Variants in CALD1 observed in about 807,000 individuals in gnomAD.
The protein encoded by CALD1 is caldesmon 1, also known as caldesmon.
Under a neutral mutation model 99.9 loss-of-function variants are expected in CALD1, and 33 were observed. The ratio of observed to expected loss-of-function variants is 0.33; its 90% CI spans 0.25 to 0.44. The LOEUF (loss-of-function observed/expected upper bound fraction) is 0.44, where lower values mean the gene tolerates loss of function less well. Ranked by LOEUF, CALD1 falls within the 20% of genes least tolerant of loss-of-function variation. The pLI is 1.00. For synonymous variants in CALD1, 310 were observed against 325.0 expected (o/e 0.95, Z 0.50); for missense variants, 861 against 962.1 (o/e 0.89, Z 1.39).
intron 1 of CALD1, among the ~76,000 whole-genome samples, chr7:134,839,871 G>A (rs909532384): frequency 2.0e-5 from 3 of 151,922 alleles, no homozygotes; most frequent in Non-Finnish European, 4.4e-5. Flanking sequence ...TTTTTTAGTT[G>A]TTGGCAATTT....
At chr7:134,966,682 A>G (rs553490913) in intron 14 of CALD1, among the ~76,000 whole-genome samples, 2 of 152,096 alleles carry the variant, frequency 1.3e-5, no homozygotes, top group East Asian at 1.9e-4. Context: ...ACCATTATAC[A>G]TGGTACTTTC....
intron 3 of CALD1, among the ~76,000 whole-genome samples, chr7:134,874,300 C>T (rs1801244609): frequency 6.6e-6 from 1 of 151,906 alleles, no homozygotes; most frequent in Non-Finnish European, 1.5e-5. Flanking sequence ...TCAAGCGATT[C>T]TCCTGCCTCA....
intron 2 of CALD1, among the ~76,000 whole-genome samples, chr7:134,857,155 A>ATTT (rs1800336835): frequency 1.8e-4 from 17 of 96,136 alleles, no homozygotes; most frequent in Admixed American, 2.2e-4. Context: ...GTTTTGCGCT[A>ATTT]TTCTTTTTTT....
the CALD1 span, among the ~76,000 whole-genome samples, chr7:134,737,620 C>T: frequency 2.6e-5 from 4 of 152,220 alleles, no homozygotes; most frequent in African/African-American, 4.8e-5. Flanking sequence ...TCTAGAGCCT[C>T]GGTTTCTTGG....
At chr7:134,889,595 A>C (rs538639754) in intron 3 of CALD1, among the ~76,000 whole-genome samples, 2 of 152,190 alleles carry the variant, frequency 1.3e-5, no homozygotes, top group African/African-American at 2.4e-5. Context: ...AAGTAATTGA[A>C]GGGAAAAAAT....
rs376293102 is a variant in CALD1 at position 134,807,918 on chromosome 7, G to A, written c.-130+28169G>A. 4.6e-5 allele frequency among the ~76,000 whole-genome samples: 7 copies of A among 151,954 alleles called. No individual in the cohort carries two copies. In the East Asian group the frequency reaches 7.7e-4, roughly 17 times the overall value. ...GCTGGGATTACAAGCGTAAGCCACC[G>A]TGCCCGGCCGATTATCTCCAATTTT... On this transcript the variant is annotated intron_variant, in intron 1 of 14. Transcript: ENST00000361675.
chr7:134,926,186 C>T (rs1228801034), intron 3 of CALD1, among the ~76,000 whole-genome samples: 1 of 152,206 alleles, frequency 6.6e-6, no homozygotes, highest in Non-Finnish European at 1.5e-5. Context: ...AACAGGAAGA[C>T]ACTGCAGTGT....
chr7:134,932,716 C>T (rs1046149799), intron 4 of CALD1, among the ~76,000 whole-genome samples: 1 of 152,158 alleles, frequency 6.6e-6, no homozygotes, highest in Non-Finnish European at 1.5e-5. Flanking sequence ...AACACTCAGG[C>T]TATCAATTTT....
chr7:134,884,394 TGAA>T (rs1450571190), intron 3 of CALD1, among the ~76,000 whole-genome samples: 35 of 152,298 alleles, frequency 2.3e-4, no homozygotes, highest in Middle Eastern at 3.4e-3. Context: ...TTCACACTCA[TGAA>T]GAAGTCGCTA....
At chr7:134,816,526 A>G (rs1798571147) in intron 1 of CALD1, among the ~76,000 whole-genome samples, 1 of 152,226 alleles carries the variant, frequency 6.6e-6, no homozygotes, top group South Asian at 2.1e-4. Context: ...CATGCTCAGA[A>G]ACCAAACCTA....
chr7:134,823,720 G>A, intron 1 of CALD1, among the ~76,000 whole-genome samples: 1 of 152,062 alleles, frequency 6.6e-6, no homozygotes, highest in East Asian at 1.9e-4. Flanking sequence ...TAAACTTTCT[G>A]GAATATGGAG....
intron 7 of CALD1, among the ~76,000 whole-genome samples, 186 bp from the exon 8 acceptor site, chr7:134,947,322 T>G (rs62479558): frequency 0.18 from 27,465 of 152,086 alleles, 3,119 homozygotes; most frequent in South Asian, 0.37. Context: ...GAAGCACAAG[T>G]GGAAGAGCAG....
chr7:134,755,566 G>C (rs1403627402), intron 1 of CALD1, among the ~76,000 whole-genome samples: 1 of 152,160 alleles, frequency 6.6e-6, no homozygotes, highest in Non-Finnish European at 1.5e-5. Flanking sequence ...TATAGATTAT[G>C]GATTTCCTTC....
At chr7:134,758,610 G>C (rs1456044009) in intron 1 of CALD1, among the ~76,000 whole-genome samples, 1 of 151,578 alleles carries the variant, frequency 6.6e-6, no homozygotes, top group Non-Finnish European at 1.5e-5. Context: ...TTAAAATGTG[G>C]AACAGTTTCC....
rs764612046 is a variant in CALD1 at position 134,965,349 on chromosome 7, A to G, written c.2339A>G (p.Glu780Gly). 1.3e-6 allele frequency: 2 copies of G among 1,589,044 alleles called. No individual in the cohort carries two copies. The highest frequency in any genetic ancestry group is 2.2e-5 in the East Asian group (1 of 44,762). The change falls in exon 14 of 15, where the codon GAA (glutamate) becomes GGA (glycine). Residue 780 changes from glutamate to glycine, a missense_variant. Coordinates refer to ENST00000361675, the MANE Select transcript of CALD1 (RefSeq NM_033138.4). The stretch of plus-strand genomic sequence containing the variant: ...GTATCCAGCAAGCGGAACCTCTGGG[A>G]AAAGCAATCTGTGGATAAGGTCACT... ...GDVSSKRNLWEKQSVDKVTSP... is the reference protein window; with the variant it reads ...GDVSSKRNLWGKQSVDKVTSP...
chr7:134,811,793 G>A lies in CALD1; in HGVS notation c.-130+32044G>A, dbSNP rs576193133. Among the ~76,000 whole-genome samples, 5 of 152,170 alleles carry A rather than the reference G, an allele frequency of 3.3e-5. No individual in the cohort carries two copies. The South Asian group carries it at 6.2e-4, about 19-fold the overall frequency. On this transcript the variant is annotated intron_variant, in intron 1 of 14. Transcript: ENST00000361675. ...AGCCCATTTGGACATGTTCTACCCCGATCTGGTTCTCTCACCCCACTGGCT... is the reference window on the plus strand; with the variant it reads ...AGCCCATTTGGACATGTTCTACCCCAATCTGGTTCTCTCACCCCACTGGCT...
the CALD1 span, among the ~76,000 whole-genome samples, chr7:134,723,541 T>C: frequency 6.9e-6 from 1 of 145,570 alleles, no homozygotes; most frequent in East Asian, 2.0e-4. Context: ...TAACTTTTTT[T>C]TTTTTTTTTT....
intron 2 of CALD1, 39 bp downstream of exon 2, chr7:134,844,010 G>T (rs1438322378): frequency 6.6e-6 from 1 of 152,144 alleles, no homozygotes; most frequent in African/African-American, 2.4e-5. Context: ...TTTGGGCTCT[G>T]CTCTTAGGAA....
the CALD1 span, among the ~76,000 whole-genome samples, chr7:134,734,336 G>A: frequency 7.5e-6 from 1 of 132,528 alleles, no homozygotes; most frequent in Non-Finnish European, 1.6e-5. Flanking sequence ...ACTGTTTACT[G>A]TGGTTTTTGT....
Sources: gnomAD v4.1 joint callset for allele counts (sites outside exome capture counted in the v4.1 genomes callset) on GRCh38, gnomAD v4.1.1 for gene constraint, MANE v1.5 for transcripts, NCBI Gene and HGNC (gene_info 2026-07-23, HGNC 2026-07-21) for gene names.